The following NRXN1 variants were observed in gnomAD, a reference collection of about 807,000 sequenced individuals.
The protein encoded by NRXN1 is neurexin 1.
In NRXN1, 39 loss-of-function variants were observed where a neutral mutation model predicts 150.9. That is an observed-to-expected ratio of 0.26 (90% CI 0.20 to 0.34). The LOEUF (loss-of-function observed/expected upper bound fraction) is 0.34, where lower values mean the gene tolerates loss of function less well. Ranked by LOEUF, NRXN1 falls within the 10% of genes least tolerant of loss-of-function variation. The pLI is 1.00. For synonymous variants in NRXN1, 924 were observed against 757.0 expected (o/e 1.22, Z -3.62); for missense variants, 1,815 against 1,949.9 (o/e 0.93, Z 1.30).
intron 21 of NRXN1, among the ~76,000 whole-genome samples, chr2:50,029,687 G>A (rs1008069779): frequency 3.9e-5 from 6 of 152,078 alleles, no homozygotes; most frequent in African/African-American, 9.7e-5. Context: ...CTCTGGAACC[G>A]TAAGAATAAA....
intron 8 of NRXN1, among the ~76,000 whole-genome samples, chr2:50,611,489 G>A (rs546364847): frequency 5.4e-4 from 82 of 152,252 alleles, no homozygotes; most frequent in African/African-American, 1.9e-3. Flanking sequence ...TTTCCTTGGG[G>A]ACCTGAGCAG....
chr2:50,021,593 C>T (rs1687576096), intron 21 of NRXN1, among the ~76,000 whole-genome samples: 2 of 151,984 alleles, frequency 1.3e-5, no homozygotes, highest in South Asian at 4.2e-4. Context: ...AAATATTAAC[C>T]CTTATTAGCC....
At chr2:50,003,223 G>C (rs765971074) in intron 21 of NRXN1, among the ~76,000 whole-genome samples, 3 of 152,048 alleles carry the variant, frequency 2.0e-5, no homozygotes, top group Non-Finnish European at 4.4e-5. Context: ...CCTACAACAG[G>C]TACAGAGATG....
At chr2:50,757,954 A>G (rs1204463317) in intron 5 of NRXN1, 1 of 151,740 alleles carries the variant, frequency 6.6e-6, no homozygotes, top group African/African-American at 2.4e-5. Context: ...CTCCTGACAC[A>G]TTCACAAGAG....
At chr2:50,384,553 G>C (rs922604062) in intron 17 of NRXN1, among the ~76,000 whole-genome samples, 1 of 147,988 alleles carries the variant, frequency 6.8e-6, no homozygotes, top group African/African-American at 2.5e-5. Flanking sequence ...TCTACATAAG[G>C]TATTGTTTAG....
intron 17 of NRXN1, among the ~76,000 whole-genome samples, chr2:50,354,586 T>TATATATATATATATACAC (rs1273118975): frequency 1.0e-4 from 13 of 124,834 alleles, no homozygotes; most frequent in African/African-American, 1.8e-4. Context: ...TATATATATA[T>TATATATATATATATACAC]ACACACACAC....
At chr2:50,093,840 G>A (rs10201336) in intron 18 of NRXN1, among the ~76,000 whole-genome samples, 86,472 of 151,952 alleles carry the variant, frequency 0.57, 25,696 homozygotes, top group African/African-American at 0.73. Context: ...GGCTAAGGTC[G>A]CACAGCTGGA....
At chr2:50,092,837 T>C (rs1699767674) in intron 18 of NRXN1, among the ~76,000 whole-genome samples, 1 of 152,200 alleles carries the variant, frequency 6.6e-6, no homozygotes, top group African/African-American at 2.4e-5. Context: ...AAAGATCTCT[T>C]TCTTATAAGT....
At chr2:50,335,952 G>T (rs1201473287) in intron 17 of NRXN1, among the ~76,000 whole-genome samples, 1 of 151,396 alleles carries the variant, frequency 6.6e-6, no homozygotes, top group Non-Finnish European at 1.5e-5. Context: ...TCTGTCACTT[G>T]AGGGGCAGCA....
chr2:49,981,876 C>A (rs1326314919), intron 21 of NRXN1, among the ~76,000 whole-genome samples: 2 of 152,014 alleles, frequency 1.3e-5, no homozygotes, highest in Non-Finnish European at 2.9e-5. Flanking sequence ...CAATGGTTTT[C>A]CAAAGTTAAG....
intron 21 of NRXN1, among the ~76,000 whole-genome samples, chr2:50,013,386 T>C (rs1389420909): frequency 2.0e-5 from 3 of 151,520 alleles, no homozygotes; most frequent in Non-Finnish European, 4.4e-5. Context: ...AACTCCCAAG[T>C]TAAAGAATCT....
At chr2:50,574,575 A>C (rs146190010) in intron 8 of NRXN1, among the ~76,000 whole-genome samples, 348 of 152,338 alleles carry the variant, frequency 2.3e-3, no homozygotes, top group African/African-American at 7.7e-3. Flanking sequence ...ACTTTGCTCC[A>C]GCTCTCTAAG....
At chr2:49,962,343 G>A (rs1018729746) in intron 21 of NRXN1, among the ~76,000 whole-genome samples, 16 of 151,990 alleles carry the variant, frequency 1.1e-4, no homozygotes, top group African/African-American at 3.6e-4. Flanking sequence ...TTTGCATCCC[G>A]TAATAGAAAT....
chr2:50,399,437 T>G (rs2082253316), intron 17 of NRXN1, among the ~76,000 whole-genome samples: 8 of 152,064 alleles, frequency 5.3e-5, no homozygotes, highest in Admixed American at 5.2e-4. Context: ...TCTTCTCGGT[T>G]TTTCCCTATG....
chr2:50,855,699 A>G (rs1273924862), intron 5 of NRXN1, among the ~76,000 whole-genome samples: 2 of 152,068 alleles, frequency 1.3e-5, no homozygotes, highest in Non-Finnish European at 1.5e-5. Flanking sequence ...TCTACTTTAA[A>G]CAAATATCCA....
rs1012596667 is a variant in NRXN1 at position 49,933,581 on chromosome 2, G to C, written c.4216+10123C>G. On this transcript the variant is annotated intron_variant, in intron 22 of 22. Transcript: ENST00000401669. Reference sequence around the variant, plus strand: ...CTAGGTCCTGTCCTTAACTTTTTGAGTGACAGTTTGCAGTTCATTATCCTC... The same window carrying C: ...CTAGGTCCTGTCCTTAACTTTTTGACTGACAGTTTGCAGTTCATTATCCTC... Among the ~76,000 whole-genome samples, 4 of 152,108 alleles carry C rather than the reference G, an allele frequency of 2.6e-5. No individual in the cohort carries two copies. The South Asian group carries it at 6.2e-4, about 24-fold the overall frequency.
At chr2:49,931,357 T>C (rs2104194756) in intron 22 of NRXN1, among the ~76,000 whole-genome samples, 1 of 152,262 alleles carries the variant, frequency 6.6e-6, no homozygotes, top group African/African-American at 2.4e-5. Context: ...GCATTTGCTT[T>C]CCCTATGCTT....
intron 17 of NRXN1, among the ~76,000 whole-genome samples, chr2:50,277,875 G>A (rs1478319357): frequency 6.6e-6 from 1 of 151,636 alleles, no homozygotes; most frequent in Non-Finnish European, 1.5e-5. Context: ...AATCTACCTT[G>A]ATCAGAAATA....
chr2:50,334,953 A>G (rs927279018), intron 17 of NRXN1, among the ~76,000 whole-genome samples: 3 of 152,172 alleles, frequency 2.0e-5, no homozygotes, highest in Admixed American at 1.3e-4. Context: ...GACTGTTGAT[A>G]TCACAGCTTA....
Sources: allele counts gnomAD v4.1 joint callset (sites outside exome capture counted in the v4.1 genomes callset), GRCh38; gene constraint gnomAD v4.1.1; transcripts MANE v1.5; gene names NCBI Gene and HGNC (gene_info 2026-07-23, HGNC 2026-07-21).